The following CACNA2D3 variants were observed in gnomAD, a reference collection of about 807,000 sequenced individuals.
The protein encoded by CACNA2D3 is calcium voltage-gated channel auxiliary subunit alpha2delta 3.
CACNA2D3 carries 60 observed loss-of-function variants against 160.6 expected under a neutral mutation model. The ratio of observed to expected loss-of-function variants is 0.37; its 90% CI spans 0.30 to 0.46. CACNA2D3 has a LOEUF of 0.46. CACNA2D3 is among the 20% of genes least tolerant of loss of function. The pLI is 1.00. For missense variants in CACNA2D3, 1,205 were observed against 1,365.0 expected, an observed-to-expected ratio of 0.88 and a Z score of 1.85; for synonymous variants, 558 against 492.9, an observed-to-expected ratio of 1.13 and a Z score of -1.75.
intron 13 of CACNA2D3, among the ~76,000 whole-genome samples, chr3:54,776,414 C>G (rs1702426000): frequency 6.6e-6 from 1 of 152,084 alleles, no homozygotes; most frequent in African/African-American, 2.4e-5. Context: ...CCTCGGAAGG[C>G]TGAGGTGGGA....
chr3:54,813,224 C>CA (rs1353751774), intron 13 of CACNA2D3, among the ~76,000 whole-genome samples: 1 of 152,314 alleles, frequency 6.6e-6, no homozygotes, highest in Non-Finnish European at 1.5e-5. Context: ...GGAAGGAACC[C>CA]AATGCTGCCT....
At chr3:54,811,934 C>A (rs538173098) in intron 13 of CACNA2D3, among the ~76,000 whole-genome samples, 72 of 152,288 alleles carry the variant, frequency 4.7e-4, no homozygotes, top group African/African-American at 1.6e-3. Context: ...ATAGAGCTTA[C>A]CTAATAAGAT....
intron 13 of CACNA2D3, among the ~76,000 whole-genome samples, chr3:54,809,578 A>G (rs1703243465): frequency 7.2e-6 from 1 of 138,400 alleles, no homozygotes; most frequent in Admixed American, 6.9e-5. Context: ...TCGGCCTCCC[A>G]AAGTGCTGGG....
At chr3:54,940,126 G>A (rs1701430545) in intron 27 of CACNA2D3, among the ~76,000 whole-genome samples, 3 of 152,122 alleles carry the variant, frequency 2.0e-5, no homozygotes, top group Admixed American at 6.5e-5. Flanking sequence ...CACCACATTG[G>A]TGTCTAGTCT....
intron 18 of CACNA2D3, chr3:54,875,104 A>C (rs1559612731): frequency 6.6e-6 from 1 of 152,146 alleles, no homozygotes; most frequent in African/African-American, 2.4e-5. Flanking sequence ...AAGCCCTATA[A>C]GGCAAAAAAG....
intron 11 of CACNA2D3, among the ~76,000 whole-genome samples, chr3:54,682,444 G>A (rs1261182389): frequency 1.3e-5 from 2 of 152,010 alleles, no homozygotes; most frequent in African/African-American, 2.4e-5. Context: ...TGGCCAACAT[G>A]ACGAAACCCT....
intron 2 of CACNA2D3, among the ~76,000 whole-genome samples, chr3:54,179,761 C>A (rs980819302): frequency 9.2e-5 from 14 of 152,138 alleles, no homozygotes; most frequent in Non-Finnish European, 1.6e-4. Flanking sequence ...TGTGAGGACA[C>A]AATGAGAAGG....
intron 27 of CACNA2D3, among the ~76,000 whole-genome samples, chr3:54,950,637 G>C (rs1158764945): frequency 6.6e-6 from 1 of 152,146 alleles, no homozygotes; most frequent in Non-Finnish European, 1.5e-5. Context: ...CCAGGCTGTG[G>C]CAGGGCAGCC....
chr3:54,187,334 C>T (rs971469057), intron 2 of CACNA2D3, among the ~76,000 whole-genome samples: 16 of 152,180 alleles, frequency 1.1e-4, no homozygotes, highest in Non-Finnish European at 1.8e-4. Context: ...CTCATAGCAA[C>T]TGGGTAGACA....
intron 17 of CACNA2D3, among the ~76,000 whole-genome samples, chr3:54,854,017 C>T (rs1016893116): frequency 4.6e-5 from 7 of 152,232 alleles, no homozygotes; most frequent in Admixed American, 2.0e-4. Flanking sequence ...GCGCGGGCAC[C>T]GCCGAGTACC....
chr3:54,957,311 T>C (rs1477785676), intron 27 of CACNA2D3, among the ~76,000 whole-genome samples: 2 of 151,702 alleles, frequency 1.3e-5, no homozygotes, highest in African/African-American at 4.9e-5. Flanking sequence ...TGCACTCAGC[T>C]AATTTTTTAA....
At chr3:54,492,278 C>T (rs949906045) in intron 4 of CACNA2D3, among the ~76,000 whole-genome samples, 8 of 152,160 alleles carry the variant, frequency 5.3e-5, no homozygotes, top group African/African-American at 1.7e-4. Flanking sequence ...CAAGGTATAA[C>T]AAAGCCAGGA....
At chr3:54,636,072 A>G (rs1275207326) in intron 10 of CACNA2D3, among the ~76,000 whole-genome samples, 6 of 151,876 alleles carry the variant, frequency 4.0e-5, no homozygotes, top group African/African-American at 1.5e-4. Flanking sequence ...ATAATCCCTG[A>G]GGAGTAGTAG....
At chr3:54,307,233 T>C (rs1397242848) in intron 2 of CACNA2D3, among the ~76,000 whole-genome samples, 3 of 152,170 alleles carry the variant, frequency 2.0e-5, no homozygotes, top group Non-Finnish European at 4.4e-5. Flanking sequence ...AGAAAAATCA[T>C]TTGATTCTGA....
At chr3:54,569,370 C>T (rs775074612) in intron 6 of CACNA2D3, among the ~76,000 whole-genome samples, 1 of 152,150 alleles carries the variant, frequency 6.6e-6, no homozygotes, top group African/African-American at 2.4e-5. Flanking sequence ...TGCTTTCAAC[C>T]CCCCTCCTGT....
chr3:55,016,174 A>G (rs981651640), intron 34 of CACNA2D3, among the ~76,000 whole-genome samples: 1 of 152,162 alleles, frequency 6.6e-6, no homozygotes, highest in Non-Finnish European at 1.5e-5. Flanking sequence ...GCACTGTACA[A>G]TCAGTGTAGT....
chr3:54,538,318 T>C (rs1436399528), intron 5 of CACNA2D3, among the ~76,000 whole-genome samples: 1 of 152,218 alleles, frequency 6.6e-6, no homozygotes, highest in African/African-American at 2.4e-5. Flanking sequence ...CTGCTATGAA[T>C]GCCTTCCCAG....
At chr3:54,226,576 T>A (rs1180059611) in intron 2 of CACNA2D3, among the ~76,000 whole-genome samples, 1 of 152,148 alleles carries the variant, frequency 6.6e-6, no homozygotes, top group Admixed American at 6.5e-5. Context: ...GTGTTGGGAT[T>A]ACAGGCATGA....
intron 2 of CACNA2D3, among the ~76,000 whole-genome samples, chr3:54,309,678 A>AG (rs1342602776): frequency 6.6e-6 from 1 of 152,110 alleles, no homozygotes. Flanking sequence ...TGCTCTCCTG[A>AG]GGGGGGTGTC....
Sources: gnomAD v4.1 joint callset for allele counts (sites outside exome capture counted in the v4.1 genomes callset) on GRCh38, gnomAD v4.1.1 for gene constraint, MANE v1.5 for transcripts, NCBI Gene and HGNC (gene_info 2026-07-23, HGNC 2026-07-21) for gene names.